The following RALGAPA1 variants were observed in gnomAD, a reference collection of about 807,000 sequenced individuals.
The protein encoded by RALGAPA1 is ral GTPase-activating protein subunit alpha-1.
RALGAPA1 carries 52 observed loss-of-function variants against 269.6 expected under a neutral mutation model. The ratio of observed to expected loss-of-function variants is 0.19; its 90% confidence interval spans 0.15 to 0.24. The LOEUF is 0.24. Ranked by LOEUF, RALGAPA1 falls within the 10% of genes least tolerant of loss-of-function variation. The probability of loss-of-function intolerance (pLI) is 1.00; values close to 1 mark genes in which losing one functional copy is unlikely to be tolerated. For missense variants in RALGAPA1, 1,917 were observed against 3,013.9 expected (o/e 0.64, Z 8.52); for synonymous variants, 817 against 1,008.3 (o/e 0.81, Z 3.60).
Position 35,620,993 on chromosome 14 carries a change from C to T in RALGAPA1, c.6929+4368G>A, listed in dbSNP as rs554732860. Among the ~76,000 whole-genome samples the T allele has an allele frequency of 3.3e-5, 5 of 152,118 alleles. No individual in the cohort carries two copies. In the East Asian group the frequency reaches 9.6e-4, roughly 29 times the overall value. On this transcript the variant is annotated intron_variant, in intron 35 of 41. Transcript: ENST00000680220. ...ATCAAGCTACCAGTGACTTTCTTCA[C>T]AGAATTGGAAAAAAACTGCTTTAAA...
intron 6 of RALGAPA1, among the ~76,000 whole-genome samples, chr14:35,758,013 C>T (rs1595450405): frequency 6.6e-6 from 1 of 152,154 alleles, no homozygotes; most frequent in East Asian, 1.9e-4. Context: ...CTTTGGGAGG[C>T]CGAGGCGAGT....
At chr14:35,635,828 A>G (rs2061633765) in intron 31 of RALGAPA1, among the ~76,000 whole-genome samples, 1 of 152,230 alleles carries the variant, frequency 6.6e-6, no homozygotes, top group South Asian at 2.1e-4. Flanking sequence ...TAAGCATAAT[A>G]AAAACAGAAA....
intron 19 of RALGAPA1, 113 bp downstream of exon 19, chr14:35,686,429 G>C (rs2065939120): frequency 2.6e-6 from 2 of 773,266 alleles, no homozygotes; most frequent in Admixed American, 3.8e-5. Context: ...TTTGAGGAAA[G>C]GTTATTTTGA....
At chr14:35,738,215 T>G (rs1360308494) in intron 12 of RALGAPA1, among the ~76,000 whole-genome samples, 1 of 151,934 alleles carries the variant, frequency 6.6e-6, no homozygotes, top group Non-Finnish European at 1.5e-5. Context: ...ATAGTTAAAA[T>G]GAATTATGGC....
chr14:35,677,853 T>A (rs1215021973), intron 22 of RALGAPA1, 97 bp downstream of exon 22: 1 of 1,145,772 alleles, frequency 8.7e-7, no homozygotes, highest in East Asian at 2.6e-5. Flanking sequence ...ATATTTACAA[T>A]AATCATATAT....
intron 21 of RALGAPA1, among the ~76,000 whole-genome samples, chr14:35,680,017 T>G (rs1353515459): frequency 6.6e-6 from 1 of 152,150 alleles, no homozygotes; most frequent in Non-Finnish European, 1.5e-5. Context: ...GTATTCTATA[T>G]CTTAGGACAA....
Position 35,548,527 on chromosome 14 carries a change from AT to A in RALGAPA1, c.*3del, listed in dbSNP as rs1404969956. The A allele has an allele frequency of 1.1e-5, 18 of 1,579,922 alleles. No individual in the cohort carries two copies. The African/African-American group carries it at 2.5e-4, about 22-fold the overall frequency. ...TCTTACCTTCAGATAAACAGAACTG[AT>A]ATTTAATGATCTAAAGAGGGAAAAT... is the stretch of plus-strand genomic sequence containing the variant. On this transcript the variant is annotated 3_prime_UTR_variant, in exon 41 of 42. Coordinates refer to ENST00000680220, the MANE Select transcript of RALGAPA1 (RefSeq NM_001346249.2).
At position 35,808,907 on chromosome 14, in the gene RALGAPA1, G is replaced by C; in HGVS notation, c.-72C>G. 5 of 1,550,946 alleles carry C rather than the reference G, an allele frequency of 3.2e-6. No homozygotes were observed. Among genetic ancestry groups the C allele is most frequent in the Non-Finnish European group, 4.4e-6 (5 of 1,148,934 alleles). On this transcript the variant is annotated 5_prime_UTR_variant, in exon 1 of 42. Transcript: ENST00000680220. ...CGGGTCCCGGCGGCAGAAAGTGGAGGGAGTGGACGGGGAGGAGACTAGCCA... is the reference window on the plus strand; with the variant it reads ...CGGGTCCCGGCGGCAGAAAGTGGAGCGAGTGGACGGGGAGGAGACTAGCCA...
chr14:35,733,307 G>A lies in RALGAPA1; in HGVS notation c.1588-4797C>T, dbSNP rs538515886. Among the ~76,000 whole-genome samples the A allele has an allele frequency of 3.8e-4, 58 of 152,034 alleles. 1 individual carries two copies. Among genetic ancestry groups the A allele is most frequent in the African/African-American group, 1.2e-3 (51 of 41,482 alleles). ...AGCTTGACCAACATGGAGAAACCCCGTCTCTACTAAAAATACAAAATTAGC... is the reference window on the plus strand; with the variant it reads ...AGCTTGACCAACATGGAGAAACCCCATCTCTACTAAAAATACAAAATTAGC... On this transcript the variant is annotated intron_variant, in intron 12 of 41. Transcript: ENST00000680220.
rs1169601833 is a variant in RALGAPA1 at position 35,762,743 on chromosome 14, T to C, written c.336A>G (p.Leu112=). ...RWQFHSIGLI[L]KKLLHTGNSL... Reference sequence around the variant, plus strand: ...AGTTTCCTGTGTGAAGTAGCTTCTTTAAAATCAATCCTGAAAAGAAAATAT... The same window carrying C: ...AGTTTCCTGTGTGAAGTAGCTTCTTCAAAATCAATCCTGAAAAGAAAATAT... The change falls in exon 5 of 42, where the codon TTA becomes TTG. Residue 112 remains leucine (L), a synonymous_variant. Transcript: ENST00000680220. 1 of 1,493,082 alleles carries C rather than the reference T, an allele frequency of 6.7e-7. No homozygotes were observed. The highest frequency in any genetic ancestry group is 9.3e-7 in the Non-Finnish European group (1 of 1,070,104). The allele number at this position is 1,493,082 out of a possible 1,614,324, so 92.5% of individuals were successfully genotyped here. A position where few individuals can be genotyped will look rare whatever the true frequency, so the allele number is the denominator to read the frequency against.
chr14:35,699,754 G>A (rs943712332), intron 17 of RALGAPA1, among the ~76,000 whole-genome samples: 7 of 151,716 alleles, frequency 4.6e-5, no homozygotes, highest in Non-Finnish European at 7.4e-5. Context: ...CAAGATTTAC[G>A]ATATTATTAG....
chr14:35,786,392 T>C (rs552514291), intron 1 of RALGAPA1, among the ~76,000 whole-genome samples: 13 of 151,924 alleles, frequency 8.6e-5, no homozygotes, highest in African/African-American at 3.1e-4. Flanking sequence ...GTAATCCCAG[T>C]ATTTTGGGAG....
Position 35,627,480 on chromosome 14 carries a change from T to C in RALGAPA1, c.6467A>G (p.Asp2156Gly). The change falls in exon 34 of 42, where the codon GAT becomes GGT. Residue 2156 changes from aspartate (D) to glycine (G), a missense_variant. Physicochemically the swap from Asp to Gly is moderately conservative, Grantham distance 94. Around this residue, in one of 11 missense-constraint regions of RALGAPA1, gnomAD observed 25 missense variants for 19.2 expected, o/e 1.30. Coordinates refer to ENST00000680220, the MANE Select transcript of RALGAPA1 (RefSeq NM_001346249.2). ...AGAAAGTCCATCTTTTACGGTTATA[T>C]CTTCTAAGCATTCATTAGATGTCGG... ...EPPTSNECLE[D>G]ITVKDGLSLQ... The C allele has an allele frequency of 6.2e-7, 1 of 1,612,992 alleles. No individual in the cohort carries two copies. The highest frequency in any genetic ancestry group is 8.5e-7 in the Non-Finnish European group (1 of 1,179,786).
intron 26 of RALGAPA1, among the ~76,000 whole-genome samples, chr14:35,669,736 T>C (rs1017505900): frequency 6.6e-6 from 1 of 152,228 alleles, no homozygotes; most frequent in Non-Finnish European, 1.5e-5. Flanking sequence ...CATTCTGTAG[T>C]TGTTAATATA....
intron 31 of RALGAPA1, among the ~76,000 whole-genome samples, chr14:35,643,125 T>C (rs750280208): frequency 6.7e-6 from 1 of 149,098 alleles, no homozygotes; most frequent in Non-Finnish European, 1.5e-5. Context: ...AGGTGGGAAT[T>C]GAACAATGAG....
At position 35,689,751 on chromosome 14, in the gene RALGAPA1, G is replaced by A; in HGVS notation, c.2660C>T (p.Thr887Ile). ...STEASSITRS[T>I]ESHITDTHSR... ...ATGAGTATCAGTGATGTGGCTTTCAGTGGATCTAGTTATTGAAGAAGCCTC... is the reference window on the plus strand; with the variant it reads ...ATGAGTATCAGTGATGTGGCTTTCAATGGATCTAGTTATTGAAGAAGCCTC... Residue 887 changes from threonine (T) to isoleucine (I), a missense_variant, in exon 18 of 42, where the codon ACT (threonine) becomes ATT (isoleucine). Around this residue, in one of 11 missense-constraint regions of RALGAPA1, gnomAD observed 615 missense variants for 790.0 expected, o/e 0.78. Coordinates refer to ENST00000680220, the MANE Select transcript of RALGAPA1 (RefSeq NM_001346249.2). The A allele has an allele frequency of 1.3e-6, 2 of 1,492,970 alleles. No individual in the cohort carries two copies. Among genetic ancestry groups the A allele is most frequent in the Middle Eastern group, 5.1e-4 (2 of 3,926 alleles). The allele number at this position is 1,492,970 out of a possible 1,614,324, so 92.5% of individuals were successfully genotyped here.
chr14:35,683,679 A>T, intron 21 of RALGAPA1, 130 bp downstream of exon 21: 1 of 701,744 alleles, frequency 1.4e-6, no homozygotes, highest in Non-Finnish European at 2.2e-6. Flanking sequence ...CTTCATTGTT[A>T]CATAAAGATG....
chr14:35,745,755 C>T, intron 10 of RALGAPA1, among the ~76,000 whole-genome samples: 1 of 128,784 alleles, frequency 7.8e-6, no homozygotes, highest in Non-Finnish European at 1.6e-5. Context: ...CAGCACGAGA[C>T]TCCATCTCAA....
chr14:35,583,831 C>G (rs955219590), intron 37 of RALGAPA1, among the ~76,000 whole-genome samples: 1 of 151,948 alleles, frequency 6.6e-6, no homozygotes, highest in African/African-American at 2.4e-5. Context: ...AAAAAAATAC[C>G]ACACACCTAG....
Sources: gnomAD v4.1 joint callset for allele counts (sites outside exome capture counted in the v4.1 genomes callset) on GRCh38, gnomAD v4.1.1 for gene constraint, gnomAD v4.1.1 regional missense constraint, MANE v1.5 for transcripts, NCBI Gene and HGNC (gene_info 2026-07-23, HGNC 2026-07-21) for gene names.